DTYMK: variants seen among roughly 807,000 people sequenced by gnomAD.
DTYMK encodes the protein deoxythymidylate kinase, also known as thymidylate kinase.
DTYMK carries 20 observed loss-of-function variants against 20.3 expected under a neutral mutation model. That is an observed-to-expected ratio of 0.99 (90% confidence interval 0.69 to 1.43). DTYMK has a LOEUF of 1.43. Ranked by LOEUF, DTYMK falls within the 40% of genes most tolerant of loss-of-function variation. DTYMK has a pLI of 0.00. For synonymous variants in DTYMK, 148 were observed against 124.4 expected (o/e 1.19, Z -1.27); for missense variants, 320 against 291.1 (o/e 1.10, Z -0.72).
chr2:241,686,637 C>A lies in DTYMK; in HGVS notation c.130+17G>T. On this transcript the variant is annotated intron_variant, in intron 1 of 4. Coordinates refer to ENST00000305784, the MANE Select transcript of DTYMK (RefSeq NM_012145.4). ...GGCACCGAAGGCCGCGGCGCACCCC[C>A]CGCCGCGCGCACCCACCCGGGAACC... 6.7e-7 allele frequency: 1 copy of A among 1,496,158 alleles called. No individual in the cohort carries two copies. Among genetic ancestry groups the A allele is most frequent in the Non-Finnish European group, 8.8e-7 (1 of 1,135,610 alleles). The allele number at this position is 1,496,158 out of a possible 1,614,324, so 92.7% of individuals were successfully genotyped here. A position where few individuals can be genotyped will look rare whatever the true frequency, so the allele number is the denominator to read the frequency against.
Position 241,685,796 on chromosome 2 carries a change from A to C in DTYMK, c.212T>G (p.Leu71Arg). The C allele has an allele frequency of 6.2e-7, 1 of 1,614,108 alleles. No individual in the cohort carries two copies. Among genetic ancestry groups the C allele is most frequent in the Non-Finnish European group, 8.5e-7 (1 of 1,179,936 alleles). ...TTGTTCCCAGCGATTTGCAGAAAAA[A>C]GCAGGTGCACCGAGTGATCCTCCAC... is the stretch of plus-strand genomic sequence containing the variant. ...SDVEDHSVHL[L>R]FSANRWEQVP... Residue 71 changes from leucine (L) to arginine (R), a missense_variant, in exon 2 of 5, where the codon CTT becomes CGT. Coordinates refer to ENST00000305784, the MANE Select transcript of DTYMK (RefSeq NM_012145.4).
chr2:241,682,542 CTT>C (rs1376859296), intron 2 of DTYMK, among the ~76,000 whole-genome samples: 1 of 152,206 alleles, frequency 6.6e-6, no homozygotes, highest in Non-Finnish European at 1.5e-5. Context: ...ATTCCCAACA[CTT>C]TGGGAGGCGG....
intron 4 of DTYMK, among the ~76,000 whole-genome samples, chr2:241,677,613 C>T (rs537263837): frequency 6.6e-6 from 1 of 152,296 alleles, no homozygotes; most frequent in South Asian, 2.1e-4. Flanking sequence ...GCGGTGGGCA[C>T]GGGCGACTGG....
intron 2 of DTYMK, chr2:241,682,044 TA>T (rs908715182): frequency 4.6e-3 from 1,407 of 303,784 alleles, no homozygotes; most frequent in East Asian, 6.7e-3. Flanking sequence ...ACATTTCTCC[TA>T]AAAAAAAATA....
At chr2:241,686,478 G>A (rs901023275) in intron 1 of DTYMK, among the ~76,000 whole-genome samples, 176 bp downstream of exon 1, 1 of 152,214 alleles carries the variant, frequency 6.6e-6, no homozygotes, top group Non-Finnish European at 1.5e-5. Flanking sequence ...AGGCTGCCGT[G>A]GGCCGAGATG....
At chr2:241,684,001 G>C (rs1200009829) in intron 2 of DTYMK, among the ~76,000 whole-genome samples, 1 of 152,054 alleles carries the variant, frequency 6.6e-6, no homozygotes, top group Non-Finnish European at 1.5e-5. Flanking sequence ...CGGTTGCAGT[G>C]AGCCGAGACT....
chr2:241,681,539 GA>G (rs201394812), intron 2 of DTYMK, among the ~76,000 whole-genome samples: 6 of 151,776 alleles, frequency 4.0e-5, no homozygotes, highest in East Asian at 3.9e-4. Flanking sequence ...AAAAGTGGGG[GA>G]AAAAAAAGAC....
At chr2:241,682,229 T>C (rs1342772339) in intron 2 of DTYMK, 1 of 453,634 alleles carries the variant, frequency 2.2e-6, no homozygotes, top group Admixed American at 2.4e-5. Context: ...TAGTTGCAGC[T>C]ACTTGGGAGG....
At chr2:241,679,664 C>A (rs923424341) in intron 3 of DTYMK, among the ~76,000 whole-genome samples, 1 of 151,536 alleles carries the variant, frequency 6.6e-6, no homozygotes, top group African/African-American at 2.4e-5. Flanking sequence ...TACAAATGAA[C>A]CATCTTTGAA....
rs1267106442 is a variant in DTYMK at position 241,680,317 on chromosome 2, G to A, written c.242C>T (p.Pro81Leu). The change falls in exon 3 of 5, where the codon CCG becomes CTG. Residue 81 changes from proline to leucine, a missense_variant and splice_region_variant. Pro to Leu is a moderately conservative substitution (Grantham distance 98). Transcript: ENST00000305784. ...LFSANRWEQV[P>L]LIKEKLSQGV... ...CTGGCTCAACTTTTCCTTAATTAAC[G>A]GCCTGAAAAAGAGGATGCTCCTGAG... 6.2e-6 allele frequency: 10 copies of A among 1,613,642 alleles called. No homozygotes were observed. Among genetic ancestry groups the A allele is most frequent in the Non-Finnish European group, 8.5e-6 (10 of 1,179,756 alleles).
chr2:241,678,200 G>T lies in DTYMK; in HGVS notation c.528+252C>A, dbSNP rs891931072. On this transcript the variant is annotated intron_variant, in intron 4 of 4. Coordinates refer to ENST00000305784, the MANE Select transcript of DTYMK (RefSeq NM_012145.4). ...CAGGAGAATCACTTGAACCCAAGAA[G>T]CGGAGGTTGCAGTGAGCTGAGATCG... Among the ~76,000 whole-genome samples, 40 of 152,072 alleles carry T rather than the reference G, an allele frequency of 2.6e-4. 1 individual carries two copies. The highest frequency in any genetic ancestry group is 6.5e-5 in the Admixed American group (1 of 15,270).
At chr2:241,684,126 T>C (rs2069325920) in intron 2 of DTYMK, among the ~76,000 whole-genome samples, 1 of 152,102 alleles carries the variant, frequency 6.6e-6, no homozygotes, top group African/African-American at 2.4e-5. Context: ...GAAACTTAAA[T>C]ATCTATTAGG....
rs529294656 is a variant in DTYMK, at chr2:241,676,273, C to T, written c.529-36G>A. On this transcript the variant is annotated intron_variant, in intron 4 of 4. Coordinates refer to ENST00000305784, the MANE Select transcript of DTYMK (RefSeq NM_012145.4). ...CGGGGTTTCAGGAGAAAAAGAGGCT[C>T]ATCAGCACGTTCCAGGCTGGTCACG... 4 of 1,582,578 alleles carry T rather than the reference C, an allele frequency of 2.5e-6. No individual in the cohort carries two copies. The African/African-American group carries it at 4.0e-5, about 16-fold the overall frequency.
At chr2:241,679,358 T>C (rs1381175153) in intron 3 of DTYMK, among the ~76,000 whole-genome samples, 1 of 152,156 alleles carries the variant, frequency 6.6e-6, no homozygotes, top group Non-Finnish European at 1.5e-5. Flanking sequence ...CTCTGTCAGC[T>C]GATCCGCACA....
chr2:241,680,268 T>C lies in DTYMK; in HGVS notation c.291A>G (p.Arg97=). The C allele has an allele frequency of 6.2e-7, 1 of 1,614,208 alleles. No individual in the cohort carries two copies. The highest frequency in any genetic ancestry group is 8.5e-7 in the Non-Finnish European group (1 of 1,180,040). Reference sequence around the variant, plus strand: ...TGAAGGCCACACCAGAAAATGCGTATCTGTCCACGACGAGGGTCACGCCCT... The same window carrying C: ...TGAAGGCCACACCAGAAAATGCGTACCTGTCCACGACGAGGGTCACGCCCT... ...LSQGVTLVVD[R]YAFSGVAFTG... Residue 97 remains arginine (R), a synonymous_variant, in exon 3 of 5, where the codon AGA becomes AGG. Transcript: ENST00000305784.
chr2:241,679,725 T>C (rs2069196082), intron 3 of DTYMK, among the ~76,000 whole-genome samples: 2 of 152,126 alleles, frequency 1.3e-5, no homozygotes. Context: ...TCCTAGCACT[T>C]TGGGAGGCTG....
At chr2:241,681,060 T>C (rs895977734) in intron 2 of DTYMK, among the ~76,000 whole-genome samples, 9 of 152,174 alleles carry the variant, frequency 5.9e-5, no homozygotes, top group African/African-American at 2.2e-4. Flanking sequence ...TAGCCTGGAC[T>C]GCAAGGATGT....
At chr2:241,684,884 A>T in intron 2 of DTYMK, 1 of 394,024 alleles carries the variant, frequency 2.5e-6, no homozygotes, top group South Asian at 2.1e-5. Flanking sequence ...GGGGGAAGGC[A>T]GGGGTAGTAT....
intron 2 of DTYMK, among the ~76,000 whole-genome samples, chr2:241,681,196 T>C (rs966632343): frequency 2.6e-5 from 4 of 152,204 alleles, no homozygotes; most frequent in Non-Finnish European, 5.9e-5. Flanking sequence ...GTCCGATTCA[T>C]TCGACTCAGC....
Sources: allele counts gnomAD v4.1 joint callset (sites outside exome capture counted in the v4.1 genomes callset), GRCh38; gene constraint gnomAD v4.1.1; transcripts MANE v1.5; gene names NCBI Gene and HGNC (gene_info 2026-07-23, HGNC 2026-07-21).